Variants in SLC5A10 observed in about 807,000 individuals in gnomAD.
SLC5A10 encodes sodium/mannose cotransporter SLC5A10.
Under a neutral mutation model 68.9 loss-of-function variants are expected in SLC5A10, and 55 were observed. The ratio of observed to expected loss-of-function variants is 0.80; its 90% CI spans 0.64 to 1.00. SLC5A10 has a LOEUF of 1.00. SLC5A10 is among the 50% of genes least tolerant of loss of function. The probability of loss-of-function intolerance (pLI) is 0.00; values close to 1 mark genes in which losing one functional copy is unlikely to be tolerated. For missense variants in SLC5A10, 732 were observed against 819.3 expected, an observed-to-expected ratio of 0.89 and a Z score of 1.30; for synonymous variants, 344 against 344.8, an observed-to-expected ratio of 1.00 and a Z score of 0.02.
At chr17:19,012,839 C>G (rs1185325560) in intron 9 of SLC5A10, among the ~76,000 whole-genome samples, 1 of 152,220 alleles carries the variant, frequency 6.6e-6, no homozygotes, top group African/African-American at 2.4e-5. Flanking sequence ...ACCCCACGTC[C>G]TAAGCCAGGA....
intron 9 of SLC5A10, among the ~76,000 whole-genome samples, chr17:18,993,491 G>A (rs559198009): frequency 2.0e-5 from 3 of 152,146 alleles, no homozygotes; most frequent in Non-Finnish European, 4.4e-5. Context: ...CACCCTCCTA[G>A]GCCTCAGAGA....
At chr17:18,951,949 G>A (rs573172002), upstream of SLC5A10, 17 of 476,686 alleles carry the variant, frequency 3.6e-5, no homozygotes, top group Non-Finnish European at 5.5e-5. Flanking sequence ...GTTCAAGGAG[G>A]CTCCTTCCTT....
intron 9 of SLC5A10, among the ~76,000 whole-genome samples, chr17:18,982,815 C>T (rs965183148): frequency 1.3e-5 from 2 of 152,234 alleles, no homozygotes; most frequent in African/African-American, 2.4e-5. Flanking sequence ...CATTCCTGAG[C>T]TCCAGTCAAA....
rs77322846 is a variant in SLC5A10 at position 18,990,201 on chromosome 17, C to G, written c.982+13212C>G. On this transcript the variant is annotated intron_variant, in intron 9 of 14. Transcript: ENST00000395645. ...GTTAAACAGGGATCTTAAGAGGGAG[C>G]TCACTCCCTGACCTAGGAGATGTTC... Among the ~76,000 whole-genome samples, 1,437 of 152,250 alleles carry G rather than the reference C, an allele frequency of 9.4e-3. 17 individuals carry two copies. Among genetic ancestry groups the G allele is most frequent in the Non-Finnish European group, 0.015 (1,004 of 68,006 alleles).
At position 18,952,331 on chromosome 17, in the gene SLC5A10, G is replaced by T; in HGVS notation, c.111+15G>T. 1.2e-6 allele frequency: 2 copies of T among 1,605,128 alleles called. No homozygotes were observed. The highest frequency in any genetic ancestry group is 1.1e-5 in the South Asian group (1 of 89,744). On this transcript the variant is annotated intron_variant, in intron 1 of 14. Coordinates refer to ENST00000395645, the MANE Select transcript of SLC5A10 (RefSeq NM_001042450.4). Reference sequence around the variant, plus strand: ...TGGGCATATGGGTAAGGGGACCTGTGGTGGTGTTGGCCAAGTGGGCTCTCA... The same window carrying T: ...TGGGCATATGGGTAAGGGGACCTGTTGTGGTGTTGGCCAAGTGGGCTCTCA...
At chr17:19,001,643 C>A (rs565221833) in intron 9 of SLC5A10, among the ~76,000 whole-genome samples, 1 of 152,306 alleles carries the variant, frequency 6.6e-6, no homozygotes, top group African/African-American at 2.4e-5. Flanking sequence ...CACTAATAAC[C>A]TTGTGGGACT....
intron 9 of SLC5A10, among the ~76,000 whole-genome samples, chr17:19,011,416 C>T (rs1351791443): frequency 1.3e-5 from 2 of 152,126 alleles, no homozygotes; most frequent in African/African-American, 4.8e-5. Context: ...CAGGGTGGCT[C>T]GTGCACGGTG....
chr17:18,981,892 C>T (rs898367705), intron 9 of SLC5A10, among the ~76,000 whole-genome samples: 7 of 152,178 alleles, frequency 4.6e-5, no homozygotes, highest in Non-Finnish European at 8.8e-5. Flanking sequence ...GTTGAGAAGT[C>T]GGACAAAGAT....
At position 19,019,724 on chromosome 17, in the gene SLC5A10, G is replaced by T; in HGVS notation, c.1422G>T (p.Trp474Cys). ...WRRANEQGAF[W>C]GLIAGLVVGA... ...TCCCTCCTCCCCAGGGGGCCTTCTG[G>T]GGCCTGATAGCAGGGCTGGTGGTGG... is the stretch of plus-strand genomic sequence containing the variant. The change falls in exon 13 of 15, where the codon TGG (tryptophan) becomes TGT (cysteine). Residue 474 changes from tryptophan (W) to cysteine (C), a missense_variant. By Grantham distance (215) the Trp-to-Cys change is radical. Coordinates refer to ENST00000395645, the MANE Select transcript of SLC5A10 (RefSeq NM_001042450.4). 1 of 1,610,650 alleles carries T rather than the reference G, an allele frequency of 6.2e-7. No homozygotes were observed.
rs750816618 is a variant in SLC5A10 at position 18,971,248 on chromosome 17, C to A, written c.846+30C>A. On this transcript the variant is annotated intron_variant, in intron 8 of 14. Coordinates refer to ENST00000395645, the MANE Select transcript of SLC5A10 (RefSeq NM_001042450.4). This position sits in a 1 kb window ranked among gnomAD's most constrained non-coding sequence, Gnocchi z 5.5. The stretch of plus-strand genomic sequence containing the variant: ...GTGCCAACGTCTCCCGCCCATCCCA[C>A]CTTCCTGCCGTCCCAGTGGGCTCTG... 67 of 1,612,636 alleles carry A rather than the reference C, an allele frequency of 4.2e-5. No homozygotes were observed. The highest frequency in any genetic ancestry group is 1.7e-4 in the Middle Eastern group (1 of 6,058).
At chr17:18,980,040 C>T (rs933176195) in intron 9 of SLC5A10, among the ~76,000 whole-genome samples, 3 of 152,058 alleles carry the variant, frequency 2.0e-5, no homozygotes, top group Admixed American at 6.5e-5. Flanking sequence ...GGGTCCTGAG[C>T]GGGAGGGTGA....
In SLC5A10 at chr17:18,958,858, G is replaced by A. The variant is rs2042557851; in HGVS notation, c.183+105G>A. On this transcript the variant is annotated intron_variant, in intron 2 of 14. Transcript: ENST00000395645. Reference sequence around the variant, plus strand: ...ATCTTTGAGCCAGTCCAATTCAGTGGAGCAGGCCGGAGGCTGGCAGGAGGT... The same window carrying A: ...ATCTTTGAGCCAGTCCAATTCAGTGAAGCAGGCCGGAGGCTGGCAGGAGGT... 6 of 1,338,320 alleles carry A rather than the reference G, an allele frequency of 4.5e-6. No individual in the cohort carries two copies. The South Asian group carries it at 7.6e-5, about 17-fold the overall frequency. The allele number at this position is 1,338,320 out of a possible 1,614,324, so 82.9% of individuals were successfully genotyped here.
At chr17:18,975,215 C>T (rs2042947515) in intron 8 of SLC5A10, among the ~76,000 whole-genome samples, 3 of 152,206 alleles carry the variant, frequency 2.0e-5, no homozygotes, top group Non-Finnish European at 2.9e-5. Flanking sequence ...GAGGCAAGGG[C>T]TTCTCCCAAG....
intron 9 of SLC5A10, among the ~76,000 whole-genome samples, chr17:18,991,068 C>T (rs928290988): frequency 5.9e-5 from 9 of 152,156 alleles, no homozygotes; most frequent in South Asian, 4.1e-4. Context: ...ACAAGCACAC[C>T]GGGAGGCAGT....
In SLC5A10 at chr17:18,968,228, G is replaced by A. The variant is rs1383135112; in HGVS notation, c.454-824G>A. On this transcript the variant is annotated intron_variant, in intron 5 of 14. Coordinates refer to ENST00000395645, the MANE Select transcript of SLC5A10 (RefSeq NM_001042450.4). The surrounding 1 kb of genome is among the most constrained non-coding windows in gnomAD (Gnocchi z 4.1). The stretch of plus-strand genomic sequence containing the variant: ...CCTTCTCAGGAAGCTCCTGGCCCCT[G>A]AGGCTGTGTGTTGGGTCATCTCGCA... Among the ~76,000 whole-genome samples, 1 of 152,244 alleles carries A rather than the reference G, an allele frequency of 6.6e-6. No homozygotes were observed. Among genetic ancestry groups the A allele is most frequent in the Non-Finnish European group, 1.5e-5 (1 of 68,040 alleles).
Position 19,022,524 on chromosome 17 carries a change from A to C in SLC5A10, c.*2093A>C. 4.9e-6 allele frequency: 1 copy of C among 204,826 alleles called. No homozygotes were observed. 12.7% of individuals were successfully genotyped at this position (204,826 alleles called of 1,614,324 possible). ...TGGTAGCTTTTGACTCCAGGCCACA[A>C]AGCCATGAGAATGGGCCTTATAAAC... On this transcript the variant is annotated 3_prime_UTR_variant, in exon 15 of 15. Transcript: ENST00000395645.
At position 18,968,961 on chromosome 17, in the gene SLC5A10, C is replaced by A; in HGVS notation, c.454-91C>A. 1 of 1,284,512 alleles carries A rather than the reference C, an allele frequency of 7.8e-7. No individual in the cohort carries two copies. Among genetic ancestry groups the A allele is most frequent in the Non-Finnish European group, 1.1e-6 (1 of 935,190 alleles). The allele number at this position is 1,284,512 out of a possible 1,614,324, so 79.6% of individuals were successfully genotyped here. On this transcript the variant is annotated intron_variant, in intron 5 of 14. Coordinates refer to ENST00000395645, the MANE Select transcript of SLC5A10 (RefSeq NM_001042450.4). The surrounding 1 kb of genome is among the most constrained non-coding windows in gnomAD (Gnocchi z 4.1). Reference sequence around the variant, plus strand: ...CCTCCTTATCCACAGGCCACCGAGGCCCAGAGAGGGCCTTGCCCGAGGTCA... The same window carrying A: ...CCTCCTTATCCACAGGCCACCGAGGACCAGAGAGGGCCTTGCCCGAGGTCA...
In SLC5A10 at chr17:19,013,517, G is replaced by A. The variant is rs747837003; in HGVS notation, c.1090G>A (p.Gly364Ser). 6.8e-6 allele frequency: 10 copies of A among 1,477,644 alleles called. No individual in the cohort carries two copies. Among genetic ancestry groups the A allele is most frequent in the African/African-American group, 4.9e-5 (2 of 41,002 alleles). 91.5% of individuals were successfully genotyped at this position (1,477,644 alleles called of 1,614,324 possible). ...GCTGGTCATGGAACTGATGCCCATC[G>A]GTGAGGCTGTGTGGGTGGGGGTCTG... ...PKLVMELMPIGLRGLMIAVML... is the reference protein window; with the variant it reads ...PKLVMELMPISLRGLMIAVML... The change falls in exon 10 of 15, where the codon GGT (glycine) becomes AGT (serine). Residue 364 changes from glycine (G) to serine (S), a missense_variant and splice_region_variant. Gly to Ser is a moderately conservative substitution (Grantham distance 56). Transcript: ENST00000395645.
intron 9 of SLC5A10, among the ~76,000 whole-genome samples, chr17:18,987,070 G>C (rs567329986): frequency 6.6e-6 from 1 of 152,344 alleles, no homozygotes; most frequent in East Asian, 1.9e-4. Flanking sequence ...GAGGCGTTGG[G>C]GTTGGAGGGG....
Sources: allele counts gnomAD v4.1 joint callset (sites outside exome capture counted in the v4.1 genomes callset), GRCh38; gene constraint gnomAD v4.1.1; non-coding constraint Gnocchi (gnomAD v3.1); transcripts MANE v1.5; gene names NCBI Gene and HGNC (gene_info 2026-07-23, HGNC 2026-07-21).